RBM41: variants seen among roughly 807,000 people sequenced by gnomAD.
The protein encoded by RBM41 is RNA binding motif protein 41.
Under a neutral mutation model 30.8 loss-of-function variants are expected in RBM41, and 14 were observed. That is an observed-to-expected ratio of 0.45 (90% CI 0.30 to 0.71). The LOEUF (loss-of-function observed/expected upper bound fraction) is 0.71. Among genes scored for constraint, RBM41 ranks in the 30% least tolerant of loss-of-function variants. The pLI, the probability that RBM41 is intolerant of heterozygous loss-of-function variation, is 0.08. For synonymous variants in RBM41, 120 were observed against 110.1 expected, an observed-to-expected ratio of 1.09 and a Z score of -0.56; for missense variants, 276 against 326.3, an observed-to-expected ratio of 0.85 and a Z score of 1.19.
chrX:107,106,018 G>A (rs1057340567), intron 5 of RBM41, among the ~76,000 whole-genome samples: 3 of 111,821 alleles, frequency 2.7e-5, no homozygotes, highest in East Asian at 5.6e-4. Context: ...ATTGACAAAT[G>A]GGATCTAATT....
intron 6 of RBM41, among the ~76,000 whole-genome samples, chrX:107,073,767 C>G (rs937766139): frequency 1.8e-5 from 2 of 111,930 alleles, no homozygotes; most frequent in Admixed American, 1.9e-4. Flanking sequence ...TATATATACA[C>G]AGTGGAATAC....
chrX:107,118,213 C>A lies in RBM41; in HGVS notation c.8+553G>T, dbSNP rs1602626665. Among the ~76,000 whole-genome samples, 3 of 92,723 alleles carry A rather than the reference C, an allele frequency of 3.2e-5. 1 individual carries two copies. In the Admixed American group the frequency reaches 3.5e-4, roughly 11 times the overall value. 80.5% of individuals were successfully genotyped at this position (92,723 alleles called of 115,157 possible). A position where few individuals can be genotyped will look rare whatever the true frequency, so the allele number is the denominator to read the frequency against. On this transcript the variant is annotated intron_variant, in intron 1 of 7. Coordinates refer to ENST00000685964, the MANE Select transcript of RBM41 (RefSeq NM_001324242.2). ...GCAATGCCTTCCACCTCCCCTCCCC[C>A]CACCCCATAAATCGAACCGCTTTGG...
chrX:107,116,518 CCCTA>C (rs1924889276), intron 2 of RBM41, 128 bp downstream of exon 2: 1 of 1,009,320 alleles, frequency 9.9e-7, no homozygotes, highest in Admixed American at 3.1e-5. Context: ...AGAATTAAAA[CCCTA>C]CCTAATACAT....
At chrX:107,071,588 G>A (rs376758564) in intron 6 of RBM41, among the ~76,000 whole-genome samples, 1 of 111,839 alleles carries the variant, frequency 8.9e-6, no homozygotes. Flanking sequence ...TGGGATGCAA[G>A]GATGATTCAA....
At chrX:107,118,698 A>C in intron 1 of RBM41, 68 bp downstream of exon 1, 1 of 1,189,158 alleles carries the variant, frequency 8.4e-7, no homozygotes, top group Non-Finnish European at 1.1e-6. Context: ...AAAGCAATGG[A>C]AGCCATTTTC....
intron 6 of RBM41, among the ~76,000 whole-genome samples, chrX:107,085,519 C>T (rs979497009): frequency 9.0e-6 from 1 of 111,073 alleles, no homozygotes; most frequent in East Asian, 2.8e-4. Context: ...CTGCTGGCCT[C>T]GGCCTCCCAA....
chrX:107,065,561 C>T lies in RBM41; in HGVS notation c.*1966G>A. 1 of 344,131 alleles carries T rather than the reference C, an allele frequency of 2.9e-6. No individual in the cohort carries two copies. Among genetic ancestry groups the T allele is most frequent in the Non-Finnish European group, 4.9e-6 (1 of 205,268 alleles). The allele number at this position is 344,131 out of a possible 1,213,427, so 28.4% of individuals were successfully genotyped here. ...ATTCCTATACATTACAAACCCAACA[C>T]ACATTATTATAATTACTTAATATAA... On this transcript the variant is annotated 3_prime_UTR_variant, in exon 8 of 8. Transcript: ENST00000685964.
intron 5 of RBM41, among the ~76,000 whole-genome samples, chrX:107,101,428 T>C (rs954621732): frequency 4.5e-5 from 5 of 111,548 alleles, no homozygotes; most frequent in African/African-American, 1.6e-4. Flanking sequence ...TCTTTGCAGA[T>C]ATAATTAGTT....
the RBM41 span, among the ~76,000 whole-genome samples, chrX:107,056,014 T>A: frequency 8.9e-6 from 1 of 112,461 alleles, no homozygotes; most frequent in Non-Finnish European, 1.9e-5. Context: ...CCACTGAGTA[T>A]CATGTTAGCT....
chrX:107,069,210 C>T (rs753196258), intron 7 of RBM41, 45 bp downstream of exon 7: 3 of 1,096,940 alleles, frequency 2.7e-6, no homozygotes, highest in African/African-American at 3.7e-5. Context: ...TAATCTCTAG[C>T]GAACTGAGGG....
At chrX:107,084,134 CA>C (rs60197903) in intron 6 of RBM41, among the ~76,000 whole-genome samples, 3,244 of 66,217 alleles carry the variant, frequency 0.049, 58 homozygotes, top group Non-Finnish European at 0.079. Context: ...TTTGGATTTA[CA>C]AAAAAAAAAA....
intron 5 of RBM41, among the ~76,000 whole-genome samples, chrX:107,105,300 C>T (rs1336837774): frequency 9.3e-6 from 1 of 107,429 alleles, no homozygotes; most frequent in African/African-American, 3.4e-5. Context: ...ACCTAGGAAT[C>T]CAACTTACAA....
chrX:107,054,635 C>A, the RBM41 span, among the ~76,000 whole-genome samples: 1 of 111,897 alleles, frequency 8.9e-6, no homozygotes, highest in African/African-American at 3.2e-5. Flanking sequence ...GCCAAGGAAC[C>A]CTCTTACTTG....
chrX:107,103,480 G>A (rs1923640955), intron 5 of RBM41, among the ~76,000 whole-genome samples: 1 of 110,910 alleles, frequency 9.0e-6, no homozygotes, highest in African/African-American at 3.3e-5. Flanking sequence ...TATTCTCCTA[G>A]AGCCTGCAGA....
chrX:107,096,962 G>T (rs1923037619), intron 5 of RBM41, among the ~76,000 whole-genome samples: 2 of 112,141 alleles, frequency 1.8e-5, no homozygotes, highest in Non-Finnish European at 3.8e-5. Flanking sequence ...CTAATGAGCA[G>T]ATGAAAAAGT....
At chrX:107,091,041 T>C (rs1027002212) in intron 5 of RBM41, among the ~76,000 whole-genome samples, 1 of 110,495 alleles carries the variant, frequency 9.1e-6, no homozygotes, top group Non-Finnish European at 1.9e-5. Context: ...CTCCCACTTA[T>C]GAGTGAGAAC....
chrX:107,070,280 G>C (rs1211107700), intron 6 of RBM41: 1 of 331,522 alleles, frequency 3.0e-6, no homozygotes, highest in East Asian at 9.7e-5. Flanking sequence ...CTGAAGATGT[G>C]AACACTGTTT....
Position 107,116,046 on chromosome X carries a change from G to T in RBM41, c.134C>A (p.Ser45Tyr). 8.6e-7 allele frequency: 1 copy of T among 1,165,121 alleles called. No individual in the cohort carries two copies. Among genetic ancestry groups the T allele is most frequent in the Non-Finnish European group, 1.1e-6 (1 of 870,536 alleles). The change falls in exon 3 of 8, where the codon TCT becomes TAT. Residue 45 changes from serine (S) to tyrosine (Y), a missense_variant. Physicochemically the swap from Ser to Tyr is moderately radical, Grantham distance 144. Coordinates refer to ENST00000685964, the MANE Select transcript of RBM41 (RefSeq NM_001324242.2). ...DTSVSIEECMSKKESFAPGTM... is the reference protein window; with the variant it reads ...DTSVSIEECMYKKESFAPGTM... ...ACCAGGAGCAAAGCTCTCTTTCTTAGACATACATCTGCAAAACATGCAGGA... is the reference window on the plus strand; with the variant it reads ...ACCAGGAGCAAAGCTCTCTTTCTTATACATACATCTGCAAAACATGCAGGA...
downstream of RBM41, among the ~76,000 whole-genome samples, chrX:107,058,406 C>T (rs1204223421): frequency 9.1e-6 from 1 of 110,386 alleles, no homozygotes; most frequent in Non-Finnish European, 1.9e-5. Context: ...AAACACCTTA[C>T]ATGTATTAAT....
Sources: allele counts gnomAD v4.1 joint callset (sites outside exome capture counted in the v4.1 genomes callset), GRCh38; gene constraint gnomAD v4.1.1; transcripts MANE v1.5; gene names NCBI Gene and HGNC (gene_info 2026-07-23, HGNC 2026-07-21).